Variants in UBAP1 observed in about 807,000 individuals in gnomAD.
UBAP1 encodes ubiquitin-associated protein 1.
UBAP1 carries 5 observed loss-of-function variants against 39.0 expected under a neutral mutation model. The ratio of observed to expected loss-of-function variants is 0.13; its 90% CI spans 0.07 to 0.27. UBAP1 has a LOEUF of 0.27. Among genes scored for constraint, UBAP1 ranks in the 10% least tolerant of loss-of-function variants. UBAP1 has a pLI of 1.00. For missense variants in UBAP1, 490 were observed against 608.1 expected, an observed-to-expected ratio of 0.81 and a Z score of 2.04; for synonymous variants, 211 against 225.1, an observed-to-expected ratio of 0.94 and a Z score of 0.56.
At chr9:34,241,130 G>A in intron 3 of UBAP1, 55 bp from the exon 4 acceptor site, 1 of 1,292,032 alleles carries the variant, frequency 7.7e-7, no homozygotes, top group Non-Finnish European at 1.0e-6. Flanking sequence ...ATTGGGTGGT[G>A]GGGTAAAGAT....
At chr9:34,211,672 T>G (rs1297439510) in intron 1 of UBAP1, among the ~76,000 whole-genome samples, 3 of 152,080 alleles carry the variant, frequency 2.0e-5, no homozygotes, top group Non-Finnish European at 4.4e-5. Flanking sequence ...ATTATTACTT[T>G]TTAAAAATTT....
At chr9:34,187,577 C>CT (rs1830472629) in intron 1 of UBAP1, among the ~76,000 whole-genome samples, 1 of 152,070 alleles carries the variant, frequency 6.6e-6, no homozygotes, top group Admixed American at 6.6e-5. Flanking sequence ...GTCATTCAGT[C>CT]TAAGCTGTTA....
At position 34,241,872 on chromosome 9, in the gene UBAP1, C is replaced by A. The variant is rs1367360557; in HGVS notation, c.847C>A (p.Leu283Met). The A allele has an allele frequency of 1.2e-6, 2 of 1,614,074 alleles. No individual in the cohort carries two copies. Among genetic ancestry groups the A allele is most frequent in the Non-Finnish European group, 1.7e-6 (2 of 1,180,054 alleles). The change falls in exon 4 of 7, where the codon CTG (leucine) becomes ATG (methionine). Residue 283 changes from leucine (L) to methionine (M), a missense_variant. By Grantham distance (15) the Leu-to-Met change is conservative. Transcript: ENST00000297661. Reference protein sequence around the residue: ...SDDSNQKTAKLASTFHSTSCL... With the variant: ...SDDSNQKTAKMASTFHSTSCL... ...TGACAGCAATCAGAAGACAGCCAAGCTGGCGAGCACTTTCCATAGCACATC... is the reference window on the plus strand; with the variant it reads ...TGACAGCAATCAGAAGACAGCCAAGATGGCGAGCACTTTCCATAGCACATC...
At chr9:34,233,143 T>G (rs913351732) in intron 2 of UBAP1, among the ~76,000 whole-genome samples, 6 of 152,254 alleles carry the variant, frequency 3.9e-5, no homozygotes, top group Admixed American at 3.9e-4. Flanking sequence ...TTTCCCCTTT[T>G]CATGTAAGTG....
At position 34,242,069 on chromosome 9, in the gene UBAP1, G is replaced by T; in HGVS notation, c.1044G>T (p.Val348=). Residue 348 remains valine (V), a synonymous_variant, in exon 4 of 7, where the codon GTG becomes GTT. Transcript: ENST00000297661. ...SQMPSLSVLS[V]CTEESSPPNT... The stretch of plus-strand genomic sequence containing the variant: ...TGCCTTCCCTCTCTGTTTTGTCTGT[G>T]TGCACAGAGGAATCATCACCTCCAA... The T allele has an allele frequency of 6.2e-7, 1 of 1,609,280 alleles. No individual in the cohort carries two copies. The highest frequency in any genetic ancestry group is 8.5e-7 in the Non-Finnish European group (1 of 1,175,944).
At chr9:34,227,833 TATA>T (rs1587857604) in intron 2 of UBAP1, among the ~76,000 whole-genome samples, 1 of 152,342 alleles carries the variant, frequency 6.6e-6, no homozygotes, top group East Asian at 1.9e-4. Flanking sequence ...AATTGTTAGC[TATA>T]ATATTTTAAA....
chr9:34,241,548 G>A lies in UBAP1; in HGVS notation c.523G>A (p.Asp175Asn), dbSNP rs1563920368. Reference sequence around the variant, plus strand: ...TGATAATCTGGAGTTAAAAACTATTGATGAGAAGGAAGAGCTGAGAAATAT... The same window carrying A: ...TGATAATCTGGAGTTAAAAACTATTAATGAGAAGGAAGAGCTGAGAAATAT... ...PFDNLELKTI[D>N]EKEELRNILV... Residue 175 changes from aspartate (D) to asparagine (N), a missense_variant, in exon 4 of 7, where the codon GAT becomes AAT. Coordinates refer to ENST00000297661, the MANE Select transcript of UBAP1 (RefSeq NM_016525.5). 6.2e-7 allele frequency: 1 copy of A among 1,614,132 alleles called. No individual in the cohort carries two copies. Among genetic ancestry groups the A allele is most frequent in the Non-Finnish European group, 8.5e-7 (1 of 1,180,026 alleles).
intron 1 of UBAP1, among the ~76,000 whole-genome samples, chr9:34,213,862 T>C (rs767294843): frequency 5.3e-5 from 8 of 151,882 alleles, no homozygotes; most frequent in Non-Finnish European, 1.0e-4. Flanking sequence ...TCAGAAGCTC[T>C]TCTATACACC....
intron 1 of UBAP1, among the ~76,000 whole-genome samples, chr9:34,182,609 T>G (rs571823545): frequency 4.7e-5 from 7 of 149,324 alleles, no homozygotes; most frequent in African/African-American, 1.7e-4. Flanking sequence ...TTCTTTTTCT[T>G]TCTTTCCTTC....
At chr9:34,179,769 T>G (rs1397072839) in intron 1 of UBAP1, among the ~76,000 whole-genome samples, 1 of 152,176 alleles carries the variant, frequency 6.6e-6, no homozygotes, top group African/African-American at 2.4e-5. Context: ...TATCCGCCTT[T>G]TTTGTTTCTT....
chr9:34,202,491 C>T (rs543784173), intron 1 of UBAP1, among the ~76,000 whole-genome samples: 2 of 152,050 alleles, frequency 1.3e-5, no homozygotes, highest in Admixed American at 1.3e-4. Context: ...AGAGTTCTAC[C>T]TTAGGACAGT....
intron 1 of UBAP1, among the ~76,000 whole-genome samples, chr9:34,200,375 T>C (rs1831300155): frequency 6.6e-6 from 1 of 152,220 alleles, no homozygotes; most frequent in African/African-American, 2.4e-5. Flanking sequence ...TCTCTGTCAG[T>C]CTGATCTTCA....
chr9:34,210,069 C>G (rs913758871), intron 1 of UBAP1, among the ~76,000 whole-genome samples: 1 of 152,046 alleles, frequency 6.6e-6, no homozygotes, highest in African/African-American at 2.4e-5. Context: ...AAAACGGGTG[C>G]TTAGGAAAAT....
At chr9:34,200,883 A>G (rs1281758007) in intron 1 of UBAP1, among the ~76,000 whole-genome samples, 1 of 152,172 alleles carries the variant, frequency 6.6e-6, no homozygotes, top group East Asian at 1.9e-4. Context: ...AGCTTTATAA[A>G]AATGTTAAAC....
chr9:34,202,543 G>A (rs189903906), intron 1 of UBAP1, among the ~76,000 whole-genome samples: 68 of 151,888 alleles, frequency 4.5e-4, no homozygotes, highest in African/African-American at 1.6e-3. Flanking sequence ...TCTGTTTTCT[G>A]AGGCCTGACA....
intron 1 of UBAP1, among the ~76,000 whole-genome samples, chr9:34,190,988 C>T (rs1319226211): frequency 6.6e-6 from 1 of 151,748 alleles, no homozygotes; most frequent in Admixed American, 6.6e-5. Flanking sequence ...AGTGGAAGAG[C>T]ATATATATAT....
chr9:34,246,101 A>AT (rs986111469), intron 4 of UBAP1, among the ~76,000 whole-genome samples: 1 of 151,708 alleles, frequency 6.6e-6, no homozygotes, highest in Non-Finnish European at 1.5e-5. Context: ...AATTTTTATT[A>AT]TTTTTTTTGA....
At chr9:34,193,182 C>T (rs1325158687) in intron 1 of UBAP1, among the ~76,000 whole-genome samples, 1 of 151,996 alleles carries the variant, frequency 6.6e-6, no homozygotes, top group Non-Finnish European at 1.5e-5. Context: ...TGGTGGTATG[C>T]ACCTAGAATC....
Position 34,179,055 on chromosome 9 carries a change from T to A in UBAP1, c.-193T>A. The A allele has an allele frequency of 7.8e-7, 1 of 1,278,800 alleles. No homozygotes were observed. Among genetic ancestry groups the A allele is most frequent in the Non-Finnish European group, 9.9e-7 (1 of 1,011,466 alleles). 79.2% of individuals were successfully genotyped at this position (1,278,800 alleles called of 1,614,324 possible). A position where few individuals can be genotyped will look rare whatever the true frequency, so the allele number is the denominator to read the frequency against. On this transcript the variant is annotated 5_prime_UTR_variant, in exon 1 of 7. Coordinates refer to ENST00000297661, the MANE Select transcript of UBAP1 (RefSeq NM_016525.5). ...AGGGGAAGGAGGAGGGAAGTAGGAC[T>A]TCAACATGGCGGCTGCGGCACTGGC...
Sources: allele counts gnomAD v4.1 joint callset (sites outside exome capture counted in the v4.1 genomes callset), GRCh38; gene constraint gnomAD v4.1.1; transcripts MANE v1.5; gene names NCBI Gene and HGNC (gene_info 2026-07-23, HGNC 2026-07-21).